The following STIMATE variants were observed in gnomAD, a reference collection of about 807,000 sequenced individuals.
STIMATE encodes the protein store-operated calcium entry regulator STIMATE.
A neutral mutation model predicts 36.7 loss-of-function variants in STIMATE; 15 were observed. The observed-to-expected ratio is 0.41, with a 90% CI of 0.27 to 0.63. The LOEUF (loss-of-function observed/expected upper bound fraction) is 0.63. Among genes scored for constraint, STIMATE ranks in the 20% least tolerant of loss-of-function variants. The probability of loss-of-function intolerance (pLI) is 0.32; values close to 1 mark genes in which losing one functional copy is unlikely to be tolerated. For missense variants in STIMATE, 305 were observed against 397.3 expected, an observed-to-expected ratio of 0.77 and a Z score of 1.98; for synonymous variants, 163 against 162.3, an observed-to-expected ratio of 1.00 and a Z score of -0.03.
intron 1 of STIMATE, among the ~76,000 whole-genome samples, chr3:52,886,716 A>G (rs969191603): frequency 1.3e-5 from 2 of 152,232 alleles, no homozygotes; most frequent in Non-Finnish European, 2.9e-5. Context: ...TCAGTTATTA[A>G]TTACAAAGGG....
intron 1 of STIMATE, among the ~76,000 whole-genome samples, chr3:52,879,433 G>A (rs1245433436): frequency 6.6e-6 from 1 of 152,198 alleles, no homozygotes; most frequent in Non-Finnish European, 1.5e-5. Context: ...TACTTCAGGA[G>A]CCTTGAGGTT....
At chr3:52,875,339 G>C (rs1024596460) in intron 1 of STIMATE, among the ~76,000 whole-genome samples, 4 of 152,192 alleles carry the variant, frequency 2.6e-5, no homozygotes, top group Non-Finnish European at 5.9e-5. Context: ...CGTGGAGTCT[G>C]CATTTCTCAG....
intron 1 of STIMATE, among the ~76,000 whole-genome samples, chr3:52,864,825 A>T (rs1701276031): frequency 6.6e-6 from 1 of 152,160 alleles, no homozygotes; most frequent in Non-Finnish European, 1.5e-5. Flanking sequence ...CTAAAACATA[A>T]CAAGAATCAC....
rs1025725755 is a variant in STIMATE, at chr3:52,851,903, T to C, written c.305+700A>G. Among the ~76,000 whole-genome samples the C allele has an allele frequency of 1.3e-4, 20 of 152,280 alleles. No homozygotes were observed. The East Asian group carries it at 2.5e-3, about 19-fold the overall frequency. ...CCATGACTCCTGAGCGGTGTGAACT[T>C]ACAGTATATATAACCTCTCTGTGCC... On this transcript the variant is annotated intron_variant, in intron 3 of 7. Coordinates refer to ENST00000355083, the MANE Select transcript of STIMATE (RefSeq NM_198563.5).
intron 4 of STIMATE, among the ~76,000 whole-genome samples, chr3:52,845,393 G>A (rs1386242993): frequency 3.3e-5 from 5 of 152,146 alleles, no homozygotes; most frequent in African/African-American, 7.2e-5. Flanking sequence ...GGACCCAGTC[G>A]CTTTGTTTGT....
intron 7 of STIMATE, among the ~76,000 whole-genome samples, chr3:52,842,205 C>T (rs567136397): frequency 4.1e-4 from 62 of 152,348 alleles, no homozygotes; most frequent in East Asian, 7.7e-4. Context: ...ATGCCTCCCA[C>T]GAGCTGGCCC....
intron 5 of STIMATE, 27 bp downstream of exon 5, chr3:52,844,802 A>C (rs751650582): frequency 6.2e-7 from 1 of 1,610,858 alleles, no homozygotes; most frequent in Non-Finnish European, 8.5e-7. Context: ...CGTGGCAAGG[A>C]GCTGCTCATG....
In STIMATE at chr3:52,842,792, A is replaced by G; in HGVS notation, c.768+19T>C. 1 of 1,613,954 alleles carries G rather than the reference A, an allele frequency of 6.2e-7. No individual in the cohort carries two copies. Among genetic ancestry groups the G allele is most frequent in the Middle Eastern group, 1.7e-4 (1 of 5,970 alleles). Reference sequence around the variant, plus strand: ...GCGATACGACGGCTTGGGCCCTTGGAGAGTCAGGGAGGCCCTACCTCAGAC... The same window carrying G: ...GCGATACGACGGCTTGGGCCCTTGGGGAGTCAGGGAGGCCCTACCTCAGAC... On this transcript the variant is annotated intron_variant, in intron 7 of 7. Coordinates refer to ENST00000355083, the MANE Select transcript of STIMATE (RefSeq NM_198563.5).
At chr3:52,850,256 C>T (rs1181897083) in intron 3 of STIMATE, among the ~76,000 whole-genome samples, 1 of 152,108 alleles carries the variant, frequency 6.6e-6, no homozygotes, top group Admixed American at 6.5e-5. Flanking sequence ...CACGGTGAAA[C>T]CTGTCTCTAC....
At chr3:52,841,265 T>C (rs1700793289) in intron 7 of STIMATE, among the ~76,000 whole-genome samples, 1 of 152,262 alleles carries the variant, frequency 6.6e-6, no homozygotes, top group African/African-American at 2.4e-5. Context: ...CCATGACACA[T>C]GCAGTTGTTG....
At chr3:52,873,733 C>T (rs552510098) in intron 1 of STIMATE, among the ~76,000 whole-genome samples, 1 of 152,220 alleles carries the variant, frequency 6.6e-6, no homozygotes, top group African/African-American at 2.4e-5. Flanking sequence ...CTAATGAGGG[C>T]TTGTTAGTGT....
In STIMATE at chr3:52,897,369, C is replaced by G. The variant is rs754144667; in HGVS notation, c.82G>C (p.Glu28Gln). ...STVASGAGRCESGALMHSFGI... is the reference protein window; with the variant it reads ...STVASGAGRCQSGALMHSFGI... ...AAGCTGTGCATGAGCGCGCCGCTCT[C>G]GCAGCGGCCCGCCCCGGACGCGACT... The change falls in exon 1 of 8, where the codon GAG becomes CAG. Residue 28 changes from glutamate to glutamine, a missense_variant. By Grantham distance (29) the Glu-to-Gln change is conservative (BLOSUM62 2). Transcript: ENST00000355083. 9.3e-6 allele frequency: 14 copies of G among 1,511,276 alleles called. No individual in the cohort carries two copies. The African/African-American group carries it at 1.3e-4, about 14-fold the overall frequency. The allele number at this position is 1,511,276 out of a possible 1,614,324, so 93.6% of individuals were successfully genotyped here. A position where few individuals can be genotyped will look rare whatever the true frequency, so the allele number is the denominator to read the frequency against.
intron 1 of STIMATE, among the ~76,000 whole-genome samples, chr3:52,856,148 T>C (rs1315499970): frequency 6.6e-6 from 1 of 152,058 alleles, no homozygotes; most frequent in African/African-American, 2.4e-5. Context: ...AGCCAACAGG[T>C]ACAGGGACAA....
At chr3:52,897,246 G>T (rs1248859582) in intron 1 of STIMATE, 45 bp downstream of exon 1, 2 of 1,523,512 alleles carry the variant, frequency 1.3e-6, no homozygotes, top group Non-Finnish European at 1.8e-6. Context: ...CCGGGCCGCG[G>T]CTGCCGCGCA....
intron 3 of STIMATE, among the ~76,000 whole-genome samples, chr3:52,850,551 A>G (rs1444741149): frequency 6.6e-6 from 1 of 152,198 alleles, no homozygotes; most frequent in African/African-American, 2.4e-5. Flanking sequence ...CTGATGACAG[A>G]AACACCTAGG....
chr3:52,864,119 G>T (rs1034314638), intron 1 of STIMATE, among the ~76,000 whole-genome samples: 1 of 152,228 alleles, frequency 6.6e-6, no homozygotes, highest in Non-Finnish European at 1.5e-5. Flanking sequence ...GACTCCGTGT[G>T]GGGGCTCCGA....
intron 1 of STIMATE, among the ~76,000 whole-genome samples, chr3:52,889,824 C>T (rs987251528): frequency 1.5e-4 from 23 of 152,278 alleles, no homozygotes; most frequent in African/African-American, 5.5e-4. Flanking sequence ...GGAAATAATA[C>T]AAATGGAGCA....
chr3:52,842,196 T>C (rs1426236458), intron 7 of STIMATE, among the ~76,000 whole-genome samples: 4 of 152,200 alleles, frequency 2.6e-5, no homozygotes, highest in African/African-American at 9.6e-5. Context: ...AGGCCTCCCA[T>C]GCCTCCCACG....
chr3:52,855,979 A>AGGGAAGGATGG (rs1701085428), intron 1 of STIMATE, among the ~76,000 whole-genome samples: 1 of 152,244 alleles, frequency 6.6e-6, no homozygotes. Flanking sequence ...AGGATGGCCA[A>AGGGAAGGATGG]CCCCACAGTG....
Sources: gnomAD v4.1 joint callset for allele counts (sites outside exome capture counted in the v4.1 genomes callset) on GRCh38, gnomAD v4.1.1 for gene constraint, MANE v1.5 for transcripts, NCBI Gene and HGNC (gene_info 2026-07-23, HGNC 2026-07-21) for gene names.